SEC61A2: variants seen among roughly 807,000 people sequenced by gnomAD.
SEC61A2 encodes SEC61 translocon subunit alpha 2, also known as protein transport protein Sec61 subunit alpha isoform 2.
In SEC61A2, 28 loss-of-function variants were observed where a neutral mutation model predicts 59.9. The observed-to-expected ratio is 0.47, with a 90% CI of 0.35 to 0.64. The LOEUF (loss-of-function observed/expected upper bound fraction) is 0.64, where lower values mean the gene tolerates loss of function less well. SEC61A2 is among the 30% of genes least tolerant of loss of function. The pLI is 0.01. For synonymous variants in SEC61A2, 202 were observed against 214.4 expected (o/e 0.94, Z 0.50); for missense variants, 340 against 585.9 (o/e 0.58, Z 4.33).
In SEC61A2 at chr10:12,140,220, T is replaced by C. The variant is rs1234193148; in HGVS notation, c.142-2897T>C. On this transcript the variant is annotated intron_variant, in intron 3 of 11. Coordinates refer to ENST00000298428, the MANE Select transcript of SEC61A2 (RefSeq NM_018144.4). Reference sequence around the variant, plus strand: ...GCTGAAACTCATTCAGAATTAAATATCCTCTAAGGTCATTTTCAGTTTTCT... The same window carrying C: ...GCTGAAACTCATTCAGAATTAAATACCCTCTAAGGTCATTTTCAGTTTTCT... Among the ~76,000 whole-genome samples the C allele has an allele frequency of 2.0e-5, 3 of 152,318 alleles. 1 individual carries two copies. In the East Asian group the frequency reaches 5.8e-4, roughly 29 times the overall value.
At position 12,143,516 on chromosome 10, in the gene SEC61A2, C is replaced by T. The variant is rs932292847; in HGVS notation, c.220+321C>T. Among the ~76,000 whole-genome samples the T allele has an allele frequency of 8.5e-5, 13 of 152,104 alleles. No individual in the cohort carries two copies. Among genetic ancestry groups the T allele is most frequent in the African/African-American group, 2.4e-4 (10 of 41,412 alleles). ...TTGGGAGGCCAAGGTGGGCAGATCA[C>T]CTGAGGTCAGGAGTTTGAGACCAGC... On this transcript the variant is annotated intron_variant, in intron 4 of 11. Transcript: ENST00000298428. The surrounding 1 kb of genome is among the most constrained non-coding windows in gnomAD (Gnocchi z 4.8).
chr10:12,159,305 C>T (rs116212570), intron 9 of SEC61A2, among the ~76,000 whole-genome samples: 9 of 152,210 alleles, frequency 5.9e-5, no homozygotes, highest in Admixed American at 2.0e-4. Context: ...CATCTAGCCA[C>T]GCTGTTATTG....
At chr10:12,135,047 G>A (rs1477204965) in intron 2 of SEC61A2, among the ~76,000 whole-genome samples, 1 of 151,646 alleles carries the variant, frequency 6.6e-6, no homozygotes, top group Non-Finnish European at 1.5e-5. Flanking sequence ...CTTTAAATTT[G>A]CTGTTTCGAA....
At chr10:12,169,620 G>C (rs1479283585), downstream of SEC61A2, 2 of 276,032 alleles carry the variant, frequency 7.2e-6, no homozygotes, top group Admixed American at 5.1e-5. This position sits in a 1 kb window ranked among gnomAD's most constrained non-coding sequence, Gnocchi z 4.8. Context: ...GAGCTGTCGA[G>C]GTGGCTTCTA....
Position 12,155,294 on chromosome 10 carries a change from T to TAA in SEC61A2, c.463-483_463-482dup. ...AGAGTATACATATATATAATATATA[T>TAA]AATGCTTTTTTCAAAGGATCAACAC... On this transcript the variant is annotated intron_variant, in intron 6 of 11. Coordinates refer to ENST00000298428, the MANE Select transcript of SEC61A2 (RefSeq NM_018144.4). This position sits in a 1 kb window ranked among gnomAD's most constrained non-coding sequence, Gnocchi z 4.3. 6.7e-7 allele frequency: 1 copy of TAA among 1,496,244 alleles called. No individual in the cohort carries two copies. The highest frequency in any genetic ancestry group is 9.0e-7 in the Non-Finnish European group (1 of 1,114,878). 92.7% of individuals were successfully genotyped at this position (1,496,244 alleles called of 1,614,324 possible). A position where few individuals can be genotyped will look rare whatever the true frequency, so the allele number is the denominator to read the frequency against.
At position 12,143,036 on chromosome 10, in the gene SEC61A2, T is replaced by A; in HGVS notation, c.142-81T>A. ...GGCGTGATCTCAGCTCACTGCAGCCTTTGCCTCCTGGGTTCAAGCGATTCT... is the reference window on the plus strand; with the variant it reads ...GGCGTGATCTCAGCTCACTGCAGCCATTGCCTCCTGGGTTCAAGCGATTCT... On this transcript the variant is annotated intron_variant, in intron 3 of 11. Transcript: ENST00000298428. The surrounding 1 kb of genome is among the most constrained non-coding windows in gnomAD (Gnocchi z 4.8). 9.4e-7 allele frequency: 1 copy of A among 1,066,682 alleles called. No homozygotes were observed. Among genetic ancestry groups the A allele is most frequent in the Non-Finnish European group, 1.5e-6 (1 of 687,708 alleles). The allele number at this position is 1,066,682 out of a possible 1,614,324, so 66.1% of individuals were successfully genotyped here.
chr10:12,161,907 A>G lies in SEC61A2; in HGVS notation c.1168-306A>G, dbSNP rs1385057088. Among the ~76,000 whole-genome samples, 2 of 152,206 alleles carry G rather than the reference A, an allele frequency of 1.3e-5. No individual in the cohort carries two copies. The highest frequency in any genetic ancestry group is 2.4e-5 in the African/African-American group (1 of 41,446). On this transcript the variant is annotated intron_variant, in intron 10 of 11. Transcript: ENST00000298428. This position sits in a 1 kb window ranked among gnomAD's most constrained non-coding sequence, Gnocchi z 5.4. ...TGAGTCAGTGTCACCCCAACAGGCT[A>G]AAAATTGGTTCCCAAAAGGTAAAAA...
chr10:12,164,789 GC>G lies in SEC61A2; in HGVS notation c.*340del, dbSNP rs1171093803. 5 of 1,043,174 alleles carry G rather than the reference GC, an allele frequency of 4.8e-6. No homozygotes were observed. The highest frequency in any genetic ancestry group is 5.8e-6 in the Non-Finnish European group (5 of 868,034). 64.6% of individuals were successfully genotyped at this position (1,043,174 alleles called of 1,614,324 possible). ...CACAACATTCAAAACACTTCATATT[GC>G]CCCCACTTGTTGAAAAATAAATGTA... On this transcript the variant is annotated 3_prime_UTR_variant, in exon 12 of 12. Transcript: ENST00000298428. This position sits in a 1 kb window ranked among gnomAD's most constrained non-coding sequence, Gnocchi z 7.3.
At chr10:12,169,314 T>C, downstream of SEC61A2, 1 of 1,554,434 alleles carries the variant, frequency 6.4e-7, no homozygotes, top group Non-Finnish European at 8.7e-7. This position sits in a 1 kb window ranked among gnomAD's most constrained non-coding sequence, Gnocchi z 4.8. Flanking sequence ...ACAAAAAGGA[T>C]ACTCTTCTAC....
At chr10:12,151,119 T>A (rs1834262206) in intron 6 of SEC61A2, among the ~76,000 whole-genome samples, 2 of 151,008 alleles carry the variant, frequency 1.3e-5, no homozygotes, top group Admixed American at 1.3e-4. Flanking sequence ...ATTTCTCTAT[T>A]GTACAATCCT....
rs752304996 is a variant in SEC61A2, at chr10:12,143,230, C to T, written c.220+35C>T. The T allele has an allele frequency of 1.4e-5, 19 of 1,389,216 alleles. No homozygotes were observed. In the East Asian group the frequency reaches 2.1e-4, roughly 15 times the overall value. 86.1% of individuals were successfully genotyped at this position (1,389,216 alleles called of 1,614,324 possible). ...TCTTTTCTGTCTCCACACTCCTACT[C>T]ACAGCAAACAGATGGAAACATGTGG... On this transcript the variant is annotated intron_variant, in intron 4 of 11. Transcript: ENST00000298428. The surrounding 1 kb of genome is among the most constrained non-coding windows in gnomAD (Gnocchi z 4.8).
At chr10:12,148,261 T>C (rs1463114218) in intron 4 of SEC61A2, among the ~76,000 whole-genome samples, 5 of 92,366 alleles carry the variant, frequency 5.4e-5, no homozygotes, top group Non-Finnish European at 1.2e-4. Context: ...TTTTTTTTTT[T>C]TAAGACAGAA....
rs777334202 is a variant in SEC61A2 at position 12,162,571 on chromosome 10, A to G, written c.1244+282A>G. 1.9e-6 allele frequency: 1 copy of G among 528,300 alleles called. No individual in the cohort carries two copies. Among genetic ancestry groups the G allele is most frequent in the Non-Finnish European group, 3.5e-6 (1 of 283,364 alleles). The allele number at this position is 528,300 out of a possible 1,614,324, so 32.7% of individuals were successfully genotyped here. On this transcript the variant is annotated intron_variant, in intron 11 of 11. Coordinates refer to ENST00000298428, the MANE Select transcript of SEC61A2 (RefSeq NM_018144.4). This position sits in a 1 kb window ranked among gnomAD's most constrained non-coding sequence, Gnocchi z 6.1. ...ACATACAATCACCAGAGAGCTTTTA[A>G]AAAGGATTTCCCAGGAACTGTGGCT...
chr10:12,149,774 C>T lies in SEC61A2; in HGVS notation c.352+48C>T, dbSNP rs775369035. On this transcript the variant is annotated intron_variant, in intron 5 of 11. Transcript: ENST00000298428. The surrounding 1 kb of genome is among the most constrained non-coding windows in gnomAD (Gnocchi z 5.2). ...AGCATTCTCCAAATTTGAGAGTGCT[C>T]GTGGTAAAGATGTTTTCTCTAGTCT... 1.3e-5 allele frequency: 21 copies of T among 1,605,766 alleles called. No individual in the cohort carries two copies. In the East Asian group the frequency reaches 1.3e-4, roughly 10 times the overall value.
Position 12,161,034 on chromosome 10 carries a change from T to C in SEC61A2, c.1080T>C (p.His360=). The C allele has an allele frequency of 7.4e-6, 12 of 1,614,168 alleles. No homozygotes were observed. Among genetic ancestry groups the C allele is most frequent in the Non-Finnish European group, 9.3e-6 (11 of 1,179,972 alleles). Residue 360 remains histidine (H), a synonymous_variant, in exon 10 of 12, where the codon CAT becomes CAC. Transcript: ENST00000298428. The surrounding 1 kb of genome is among the most constrained non-coding windows in gnomAD (Gnocchi z 5.4). ...GCGCCATCTTTGAGGATCCTGTCCA[T>C]GTCGTTGTTTATATCATCTTCATGT... ...SMGAIFEDPV[H]VVVYIIFMLG... is the part of the protein sequence containing the mutation.
chr10:12,166,416 G>A (rs1834694656), downstream of SEC61A2: 1 of 172,588 alleles, frequency 5.8e-6, no homozygotes, highest in South Asian at 1.2e-4. Context: ...ATTTTCACAT[G>A]TATAGGGCTA....
chr10:12,133,561 A>G (rs142677239), intron 2 of SEC61A2, among the ~76,000 whole-genome samples: 57 of 152,342 alleles, frequency 3.7e-4, no homozygotes, highest in African/African-American at 1.1e-3. Context: ...TCTTCGGCCT[A>G]TGTGTTAGTT....
chr10:12,137,408 G>A (rs1312610723), intron 3 of SEC61A2, among the ~76,000 whole-genome samples: 3 of 151,988 alleles, frequency 2.0e-5, no homozygotes, highest in Non-Finnish European at 4.4e-5. Context: ...AAGCCCGGGT[G>A]ATCTTCCCAC....
At chr10:12,140,686 C>A (rs1016321795) in intron 3 of SEC61A2, among the ~76,000 whole-genome samples, 4 of 152,166 alleles carry the variant, frequency 2.6e-5, no homozygotes, top group African/African-American at 9.7e-5. Flanking sequence ...ACCTCCGCCT[C>A]CCGGATTCAA....
Sources: gnomAD v4.1 joint callset for allele counts (sites outside exome capture counted in the v4.1 genomes callset) on GRCh38, gnomAD v4.1.1 for gene constraint, Gnocchi (gnomAD v3.1) non-coding constraint, MANE v1.5 for transcripts, NCBI Gene and HGNC (gene_info 2026-07-23, HGNC 2026-07-21) for gene names.